The following RPF1 variants were observed in gnomAD, a reference collection of about 807,000 sequenced individuals.
RPF1 encodes ribosome production factor 1 homolog, also known as ribosome production factor 1.
RPF1 carries 34 observed loss-of-function variants against 41.9 expected under a neutral mutation model. The ratio of observed to expected loss-of-function variants is 0.81; its 90% confidence interval spans 0.62 to 1.08. The LOEUF is 1.08. Ranked by LOEUF, RPF1 falls within the 50% of genes least tolerant of loss-of-function variation. RPF1 has a pLI of 0.00. For synonymous variants in RPF1, 140 were observed against 148.9 expected (o/e 0.94, Z 0.43); for missense variants, 425 against 435.2 (o/e 0.98, Z 0.21).
intron 5 of RPF1, among the ~76,000 whole-genome samples, chr1:84,491,321 A>G (rs973185781): frequency 1.3e-5 from 2 of 152,246 alleles, no homozygotes; most frequent in African/African-American, 2.4e-5. Flanking sequence ...TCATTAAAAT[A>G]AAATTATAAA....
rs775546257 is a variant in RPF1, at chr1:84,492,248, G to A, written c.616+1776G>A. On this transcript the variant is annotated intron_variant, in intron 5 of 8. Coordinates refer to ENST00000370654, the MANE Select transcript of RPF1 (RefSeq NM_025065.7). Reference sequence around the variant, plus strand: ...CCTAATGGTGACACATGGGGGGAAAGTTGAAAAAACAGGATTTAGCCTGTG... The same window carrying A: ...CCTAATGGTGACACATGGGGGGAAAATTGAAAAAACAGGATTTAGCCTGTG... 2.0e-5 allele frequency among the ~76,000 whole-genome samples: 3 copies of A among 152,292 alleles called. No individual in the cohort carries two copies. The East Asian group carries it at 5.8e-4, about 29-fold the overall frequency.
At chr1:84,494,004 CTG>C (rs529947682) in intron 5 of RPF1, among the ~76,000 whole-genome samples, 10 of 152,252 alleles carry the variant, frequency 6.6e-5, no homozygotes, top group Non-Finnish European at 1.2e-4. Flanking sequence ...GCTGTCAAGA[CTG>C]TGAAGGTATC....
Position 84,482,344 on chromosome 1 carries a change from T to C in RPF1, c.286-571T>C, listed in dbSNP as rs560598697. ...TCCATAATGTTGATGTACTGTAGTA[T>C]GTTTAGTCATTACCTTGTTGAACAT... On this transcript the variant is annotated intron_variant, in intron 2 of 8. Transcript: ENST00000370654. Among the ~76,000 whole-genome samples, 4 of 152,332 alleles carry C rather than the reference T, an allele frequency of 2.6e-5. No individual in the cohort carries two copies. In the East Asian group the frequency reaches 7.7e-4, roughly 29 times the overall value.
At chr1:84,480,839 A>G (rs1255687758) in intron 1 of RPF1, 117 bp from the exon 2 acceptor site, 1 of 582,294 alleles carries the variant, frequency 1.7e-6, no homozygotes, top group Non-Finnish European at 3.1e-6. Flanking sequence ...ATTTCAATAG[A>G]TTACAAAGAC....
At chr1:84,492,735 G>A (rs1429758455) in intron 5 of RPF1, among the ~76,000 whole-genome samples, 1 of 152,078 alleles carries the variant, frequency 6.6e-6, no homozygotes, top group Non-Finnish European at 1.5e-5. Context: ...TTTGAGGTAG[G>A]GTAATTATTT....
chr1:84,495,739 T>G (rs950446685), intron 6 of RPF1, 143 bp from the exon 7 acceptor site: 5 of 585,340 alleles, frequency 8.5e-6, no homozygotes, highest in Non-Finnish European at 6.0e-6. Context: ...TTTCATGGGT[T>G]TGATAAGCCA....
intron 5 of RPF1, 123 bp from the exon 6 acceptor site, chr1:84,495,250 T>C: frequency 1.6e-6 from 1 of 625,382 alleles, no homozygotes; most frequent in Non-Finnish European, 2.8e-6. Context: ...CAGAGGAATA[T>C]GTACATCTGC....
At chr1:84,481,441 G>A (rs1286456819) in intron 2 of RPF1, among the ~76,000 whole-genome samples, 1 of 152,194 alleles carries the variant, frequency 6.6e-6, no homozygotes, top group Non-Finnish European at 1.5e-5. Flanking sequence ...CTCTTGTCAT[G>A]TGAAGCAAAG....
intron 5 of RPF1, among the ~76,000 whole-genome samples, chr1:84,494,320 A>T (rs1681890983): frequency 6.6e-6 from 1 of 152,228 alleles, no homozygotes; most frequent in African/African-American, 2.4e-5. Flanking sequence ...TGAAGATACC[A>T]TAGCTTCTAA....
At chr1:84,496,204 T>C (rs1219903327) in intron 7 of RPF1, 40 bp from the exon 8 acceptor site, 1 of 1,574,308 alleles carries the variant, frequency 6.4e-7, no homozygotes, top group East Asian at 2.2e-5. Flanking sequence ...TGTTAAACAA[T>C]AGCTCATTCA....
In RPF1 at chr1:84,495,404, C is replaced by A; in HGVS notation, c.648C>A (p.Gly216=). 6.5e-7 allele frequency: 1 copy of A among 1,536,078 alleles called. No individual in the cohort carries two copies. Among genetic ancestry groups the A allele is most frequent in the Non-Finnish European group, 8.9e-7 (1 of 1,123,372 alleles). ...TTATTTTGAGTCACTTGCCAAATGGCCCAACTGCTCATTTTAAAATGAGCA... is the reference window on the plus strand; with the variant it reads ...TTATTTTGAGTCACTTGCCAAATGGACCAACTGCTCATTTTAAAATGAGCA... The part of the protein sequence containing the change: ...NGLILSHLPN[G]PTAHFKMSSV... Residue 216 remains glycine, a synonymous_variant, in exon 6 of 9, where the codon GGC becomes GGA. Transcript: ENST00000370654.
At chr1:84,483,068 T>C (rs760153290) in intron 3 of RPF1, 73 bp downstream of exon 3, 1 of 996,136 alleles carries the variant, frequency 1.0e-6, no homozygotes, top group Non-Finnish European at 1.6e-6. Context: ...TTTGTTGATA[T>C]TTAAAGTGCT....
At chr1:84,485,379 A>G (rs1258701993) in intron 3 of RPF1, among the ~76,000 whole-genome samples, 4 of 152,198 alleles carry the variant, frequency 2.6e-5, no homozygotes, top group Non-Finnish European at 2.9e-5. Flanking sequence ...GATTACAGGC[A>G]TGAGCCACCC....
chr1:84,491,980 G>A (rs1681842295), intron 5 of RPF1, among the ~76,000 whole-genome samples: 1 of 152,152 alleles, frequency 6.6e-6, no homozygotes, highest in South Asian at 2.1e-4. Context: ...AGCCAACACA[G>A]CAAAATCCCA....
Position 84,497,907 on chromosome 1 carries a change from T to G in RPF1, c.*437T>G, listed in dbSNP as rs1681972746. 6.5e-6 allele frequency: 1 copy of G among 153,224 alleles called. No homozygotes were observed. Among genetic ancestry groups the G allele is most frequent in the Non-Finnish European group, 1.5e-5 (1 of 68,772 alleles). The allele number at this position is 153,224 out of a possible 1,614,324, so 9.5% of individuals were successfully genotyped here. A position where few individuals can be genotyped will look rare whatever the true frequency, so the allele number is the denominator to read the frequency against. Reference sequence around the variant, plus strand: ...GGATGTTTTAACATTCTCTTAAGCCTTCAGAAGGGTAAAAAATTTAAAGCA... The same window carrying G: ...GGATGTTTTAACATTCTCTTAAGCCGTCAGAAGGGTAAAAAATTTAAAGCA... On this transcript the variant is annotated 3_prime_UTR_variant, in exon 9 of 9. Coordinates refer to ENST00000370654, the MANE Select transcript of RPF1 (RefSeq NM_025065.7).
chr1:84,481,448 A>G (rs752205741), intron 2 of RPF1, among the ~76,000 whole-genome samples: 40 of 152,300 alleles, frequency 2.6e-4, no homozygotes, highest in Middle Eastern at 3.4e-3. Flanking sequence ...CATGTGAAGC[A>G]AAGATTTTTG....
intron 3 of RPF1, among the ~76,000 whole-genome samples, chr1:84,487,529 T>C (rs1015211579): frequency 2.0e-5 from 3 of 152,150 alleles, no homozygotes; most frequent in African/African-American, 7.2e-5. Context: ...TAAAGAAATC[T>C]TCCAATTCAT....
chr1:84,489,909 A>G (rs1481120708), intron 4 of RPF1, among the ~76,000 whole-genome samples, 181 bp downstream of exon 4: 8 of 152,250 alleles, frequency 5.3e-5, no homozygotes, highest in Non-Finnish European at 1.0e-4. Context: ...TCTTCAAGAT[A>G]GGATTTCTCA....
Position 84,495,980 on chromosome 1 carries a change from C to A in RPF1, c.798C>A (p.Leu266=). The A allele has an allele frequency of 6.2e-7, 1 of 1,610,366 alleles. No homozygotes were observed. Among genetic ancestry groups the A allele is most frequent in the Non-Finnish European group, 8.5e-7 (1 of 1,176,574 alleles). Residue 266 remains leucine, a synonymous_variant, in exon 7 of 9, where the codon CTC becomes CTA. Coordinates refer to ENST00000370654, the MANE Select transcript of RPF1 (RefSeq NM_025065.7). The part of the protein sequence containing the change: ...GHSIGRMFAS[L]FPHNPQFIGR... ...CAATTGGACGTATGTTTGCATCTCT[C>A]TTTCCTCATAATCCTCAATTTATCG...
Sources: allele counts gnomAD v4.1 joint callset (sites outside exome capture counted in the v4.1 genomes callset), GRCh38; gene constraint gnomAD v4.1.1; transcripts MANE v1.5; gene names NCBI Gene and HGNC (gene_info 2026-07-23, HGNC 2026-07-21).